USP36: variants seen among roughly 807,000 people sequenced by gnomAD.
The protein encoded by USP36 is ubiquitin specific peptidase 36.
In USP36, 59 loss-of-function variants were observed where a neutral mutation model predicts 111.5. That is an observed-to-expected ratio of 0.53 (90% confidence interval 0.43 to 0.66). The LOEUF is 0.66. Ranked by LOEUF, USP36 falls within the 30% of genes least tolerant of loss-of-function variation. The probability of loss-of-function intolerance (pLI) is 0.00; values close to 1 mark genes in which losing one functional copy is unlikely to be tolerated. For synonymous variants in USP36, 628 were observed against 581.0 expected (o/e 1.08, Z -1.16); for missense variants, 1,488 against 1,468.0 (o/e 1.01, Z -0.22).
intron 2 of USP36, among the ~76,000 whole-genome samples, chr17:78,838,276 G>C (rs981574083): frequency 9.9e-5 from 15 of 151,308 alleles, no homozygotes; most frequent in Non-Finnish European, 1.5e-4. Flanking sequence ...AGGAGGCTGA[G>C]GCAGAGAATT....
chr17:78,831,470 G>A (rs554613955), intron 4 of USP36, among the ~76,000 whole-genome samples: 18 of 151,394 alleles, frequency 1.2e-4, no homozygotes, highest in African/African-American at 1.7e-4. Context: ...AACATTAGCC[G>A]TGTGTGGTGG....
intron 13 of USP36, among the ~76,000 whole-genome samples, chr17:78,809,054 G>A (rs1339098267): frequency 1.3e-5 from 2 of 152,094 alleles, no homozygotes; most frequent in Non-Finnish European, 2.9e-5. Flanking sequence ...ACACTCGTTT[G>A]GGCTATTACC....
chr17:78,800,313 GCTGCTGCCATCAGGGGCCCGA>G (rs930822720), intron 17 of USP36, among the ~76,000 whole-genome samples: 5 of 152,160 alleles, frequency 3.3e-5, no homozygotes, highest in African/African-American at 1.2e-4. Flanking sequence ...GCCAAGCTTG[GCTGCTGCCATCAGGGGCCCGA>G]CCTCCTAAGC....
chr17:78,794,382 C>A (rs528943669), downstream of USP36, among the ~76,000 whole-genome samples: 2 of 152,330 alleles, frequency 1.3e-5, no homozygotes, highest in South Asian at 4.1e-4. Context: ...AGTTAGCCAG[C>A]TGAGTCCTGC....
In USP36 at chr17:78,828,233, T is replaced by C. The variant is rs537384202; in HGVS notation, c.586+664A>G. ...TGTCTCAAACAAAAAGAATGTAAAATCCATTGAATATCTCTCCAAAAGCCA... is the reference window on the plus strand; with the variant it reads ...TGTCTCAAACAAAAAGAATGTAAAACCCATTGAATATCTCTCCAAAAGCCA... On this transcript the variant is annotated intron_variant, in intron 5 of 20. Transcript: ENST00000449938. 4.5e-4 allele frequency among the ~76,000 whole-genome samples: 69 copies of C among 152,190 alleles called. 1 individual carries two copies. Among genetic ancestry groups the C allele is most frequent in the African/African-American group, 1.6e-3 (67 of 41,514 alleles).
rs954942022 is a variant in USP36, at chr17:78,796,282, T to G, written c.*1618A>C. 2.0e-5 allele frequency: 3 copies of G among 152,218 alleles called. No individual in the cohort carries two copies. The East Asian group carries it at 5.8e-4, about 29-fold the overall frequency. The allele number at this position is 152,218 out of a possible 1,614,324, so 9.4% of individuals were successfully genotyped here. On this transcript the variant is annotated 3_prime_UTR_variant, in exon 21 of 21. Coordinates refer to ENST00000449938, the MANE Select transcript of USP36 (RefSeq NM_001385174.1). ...GCAGAGGGAACAGTTCACACAGGAA[T>G]GCAAGTCAACACCCCGAGAAGAAAA...
In USP36 at chr17:78,807,172, G is replaced by A; in HGVS notation, c.1872C>T (p.Thr624=). 6.2e-7 allele frequency: 1 copy of A among 1,614,238 alleles called. No homozygotes were observed. The change falls in exon 14 of 21, where the codon ACC becomes ACT. Residue 624 remains threonine (T), a synonymous_variant. Transcript: ENST00000449938. The part of the protein sequence containing the change: ...SPEHSASSDS[T]KAPQTPRSGA... The stretch of plus-strand genomic sequence containing the variant: ...CACTCCTGGGGGTCTGGGGGGCCTT[G>A]GTGGAGTCGCTGCTGGCCGAGTGCT...
intron 10 of USP36, among the ~76,000 whole-genome samples, chr17:78,816,139 T>C (rs1179171564): frequency 6.6e-6 from 1 of 151,106 alleles, no homozygotes; most frequent in Non-Finnish European, 1.5e-5. Flanking sequence ...GTTTAGGAAC[T>C]CCGAAAAACA....
intron 15 of USP36, 146 bp from the exon 16 acceptor site, chr17:78,804,124 A>G (rs1041182170): frequency 6.9e-6 from 4 of 580,492 alleles, no homozygotes; most frequent in East Asian, 6.0e-5. Context: ...ATTAAGTTAC[A>G]TGTATGTTTG....
At chr17:78,820,040 A>G in intron 8 of USP36, 28 bp from the exon 9 acceptor site, 1 of 1,611,340 alleles carries the variant, frequency 6.2e-7, no homozygotes, top group South Asian at 1.1e-5. Flanking sequence ...AGGGAGTAAA[A>G]TACACAGCAG....
intron 10 of USP36, among the ~76,000 whole-genome samples, chr17:78,817,664 G>C (rs938026736): frequency 1.3e-5 from 2 of 150,592 alleles, no homozygotes; most frequent in Non-Finnish European, 2.9e-5. Context: ...TGATGCAGGA[G>C]AATCACTTGA....
chr17:78,820,813 AG>A (rs1027615408), intron 8 of USP36, among the ~76,000 whole-genome samples, 177 bp downstream of exon 8: 128 of 152,364 alleles, frequency 8.4e-4, no homozygotes, highest in Middle Eastern at 3.4e-3. Flanking sequence ...GGATACGCTT[AG>A]GAAAAACTCT....
At position 78,814,509 on chromosome 17, in the gene USP36, G is replaced by A; in HGVS notation, c.1067C>T (p.Ser356Phe). The A allele has an allele frequency of 6.2e-7, 1 of 1,614,150 alleles. No homozygotes were observed. Among genetic ancestry groups the A allele is most frequent in the Non-Finnish European group, 8.5e-7 (1 of 1,180,020 alleles). ...PEFLNIRPYM[S>F]QNNGDPVMYG... is the part of the protein sequence containing the mutation. ...CATGACAGGATCACCATTATTCTGG[G>A]ACATATACGGACGTATGTTGAGGAA... Residue 356 changes from serine (S) to phenylalanine (F), a missense_variant, in exon 11 of 21, where the codon TCC becomes TTC. Coordinates refer to ENST00000449938, the MANE Select transcript of USP36 (RefSeq NM_001385174.1).
chr17:78,816,314 C>T (rs2145303897), intron 10 of USP36, among the ~76,000 whole-genome samples: 1 of 152,146 alleles, frequency 6.6e-6, no homozygotes, highest in African/African-American at 2.4e-5. Flanking sequence ...CACGCGCCAC[C>T]ATGACTGGCC....
At chr17:78,811,837 C>T (rs2094065551) in intron 13 of USP36, among the ~76,000 whole-genome samples, 3 of 151,806 alleles carry the variant, frequency 2.0e-5, no homozygotes, top group South Asian at 4.2e-4. Context: ...CACTGCACTC[C>T]AGCCTGGGCG....
intron 13 of USP36, among the ~76,000 whole-genome samples, chr17:78,808,547 T>C (rs2093972796): frequency 1.3e-5 from 2 of 152,354 alleles, no homozygotes; most frequent in South Asian, 4.1e-4. Flanking sequence ...AACTGCACCC[T>C]GCCTGTCGGC....
chr17:78,788,396 C>G (rs1313965257), intron 3 of USP36, among the ~76,000 whole-genome samples: 1 of 152,182 alleles, frequency 6.6e-6, no homozygotes, highest in Non-Finnish European at 1.5e-5. Flanking sequence ...ATCTCTTGAC[C>G]TCGTGATCTG....
intron 15 of USP36, 132 bp downstream of exon 15, chr17:78,806,024 T>C (rs1054371467): frequency 9.4e-6 from 14 of 1,494,886 alleles, no homozygotes; most frequent in East Asian, 2.3e-5. Context: ...GACGCCCCCC[T>C]GTACCTCCTG....
At chr17:78,827,091 C>G (rs750083762) in intron 6 of USP36, 154 bp downstream of exon 6, 1 of 816,738 alleles carries the variant, frequency 1.2e-6, no homozygotes, top group African/African-American at 1.7e-5. Flanking sequence ...TGGGCTCCAA[C>G]AGTTTGAGTA....
Sources: allele counts gnomAD v4.1 joint callset (sites outside exome capture counted in the v4.1 genomes callset), GRCh38; gene constraint gnomAD v4.1.1; transcripts MANE v1.5; gene names NCBI Gene and HGNC (gene_info 2026-07-23, HGNC 2026-07-21).